FRMD8: variants seen among roughly 807,000 people sequenced by gnomAD.
The protein encoded by FRMD8 is FERM domain-containing protein 8.
A neutral mutation model predicts 54.2 loss-of-function variants in FRMD8; 37 were observed. The observed-to-expected ratio is 0.68, with a 90% CI of 0.53 to 0.90. The LOEUF is 0.90. Among genes scored for constraint, FRMD8 ranks in the 40% least tolerant of loss-of-function variants. FRMD8 has a pLI of 0.00. For missense variants in FRMD8, 585 were observed against 653.7 expected (o/e 0.89, Z 1.15); for synonymous variants, 246 against 286.9 (o/e 0.86, Z 1.44).
intron 9 of FRMD8, among the ~76,000 whole-genome samples, chr11:65,402,417 A>G (rs1369868726): frequency 6.6e-6 from 1 of 151,828 alleles, no homozygotes; most frequent in African/African-American, 2.4e-5. Flanking sequence ...AATTGGCTGT[A>G]CATGTGTGGG....
At chr11:65,381,851 C>T (rs1313518916), upstream of FRMD8, 2 of 1,604,332 alleles carry the variant, frequency 1.2e-6, no homozygotes, top group Non-Finnish European at 1.7e-6. Context: ...CCATGTCACC[C>T]ATCTTCCCGA....
intron 3 of FRMD8, among the ~76,000 whole-genome samples, chr11:65,389,862 C>G (rs1320723993): frequency 6.6e-6 from 1 of 152,206 alleles, no homozygotes; most frequent in Admixed American, 6.5e-5. Context: ...ACCTTTGCCA[C>G]AACCTGGGTG....
At chr11:65,376,479 G>A in the FRMD8 span, 14 of 1,614,200 alleles carry the variant, frequency 8.7e-6, no homozygotes, top group Non-Finnish European at 1.2e-5. Context: ...CGCGGGCACT[G>A]TTGATGGTGA....
At position 65,389,345 on chromosome 11, in the gene FRMD8, C is replaced by G; in HGVS notation, c.86-16C>G. On this transcript the variant is annotated splice_polypyrimidine_tract_variant and intron_variant, in intron 2 of 10. Transcript: ENST00000317568. Reference sequence around the variant, plus strand: ...AGGCAGAGGCCTCAGCTGAGCCTGCCTGGTCTCCATCACAGCGGCTGACGT... The same window carrying G: ...AGGCAGAGGCCTCAGCTGAGCCTGCGTGGTCTCCATCACAGCGGCTGACGT... The G allele has an allele frequency of 6.2e-7, 1 of 1,608,218 alleles. No individual in the cohort carries two copies. Among genetic ancestry groups the G allele is most frequent in the Non-Finnish European group, 8.5e-7 (1 of 1,179,844 alleles).
intron 10 of FRMD8, among the ~76,000 whole-genome samples, chr11:65,410,542 G>A (rs1183103688): frequency 6.6e-6 from 1 of 151,982 alleles, no homozygotes; most frequent in East Asian, 1.9e-4. Flanking sequence ...TGTAATCCCA[G>A]CACTTTGGGA....
the FRMD8 span, among the ~76,000 whole-genome samples, chr11:65,369,383 A>G: frequency 6.6e-6 from 1 of 151,452 alleles, no homozygotes; most frequent in Non-Finnish European, 1.5e-5. Context: ...CCAGGAGTTC[A>G]AAAACAGCCT....
At chr11:65,380,212 C>T in the FRMD8 span, 6 of 1,613,930 alleles carry the variant, frequency 3.7e-6, no homozygotes, top group South Asian at 2.2e-5. Context: ...TGAGGGCCCT[C>T]GTGCCAGGCC....
At chr11:65,380,320 C>G in the FRMD8 span, 1 of 1,224,224 alleles carries the variant, frequency 8.2e-7, no homozygotes, top group Non-Finnish European at 1.2e-6. Flanking sequence ...CTGCCAAGCT[C>G]TAGAGACTCC....
chr11:65,388,919 G>T (rs767267423), intron 2 of FRMD8, among the ~76,000 whole-genome samples: 1 of 152,210 alleles, frequency 6.6e-6, no homozygotes, highest in Non-Finnish European at 1.5e-5. Flanking sequence ...ATAGCCTCAG[G>T]ATGGTTTCAG....
chr11:65,391,730 C>T (rs558055362), intron 3 of FRMD8, among the ~76,000 whole-genome samples: 2 of 152,230 alleles, frequency 1.3e-5, no homozygotes, highest in South Asian at 2.1e-4. Flanking sequence ...AGGCTGGTCT[C>T]GAACTTCTGA....
chr11:65,410,970 C>T (rs901182644), intron 10 of FRMD8, among the ~76,000 whole-genome samples: 4 of 152,234 alleles, frequency 2.6e-5, no homozygotes, highest in African/African-American at 9.6e-5. Context: ...CAGGACCCCA[C>T]ACTGCATTTA....
chr11:65,406,765 ACT>A (rs1177512193), intron 10 of FRMD8, among the ~76,000 whole-genome samples: 1 of 151,438 alleles, frequency 6.6e-6, no homozygotes, highest in Admixed American at 6.6e-5. Flanking sequence ...CATGGAGAAA[ACT>A]CTTCTCTACT....
At chr11:65,379,439 CCG>C in the FRMD8 span, 39 of 1,613,718 alleles carry the variant, frequency 2.4e-5, no homozygotes, top group Non-Finnish European at 7.6e-6. Flanking sequence ...GCTGGGCCCG[CCG>C]CTCCTGGTGG....
upstream of FRMD8, among the ~76,000 whole-genome samples, chr11:65,384,855 G>C (rs373747242): frequency 1.3e-5 from 2 of 152,136 alleles, no homozygotes; most frequent in African/African-American, 4.8e-5. Flanking sequence ...TAGGACCACA[G>C]ATGTGTGCCA....
the FRMD8 span, among the ~76,000 whole-genome samples, chr11:65,368,754 A>G: frequency 6.6e-6 from 1 of 151,532 alleles, no homozygotes; most frequent in Non-Finnish European, 1.5e-5. Flanking sequence ...TAGTAGAGAC[A>G]GGGTTTCACC....
Position 65,387,119 on chromosome 11 carries a change from G to T in FRMD8, c.83G>T (p.Arg28Leu). The T allele has an allele frequency of 1.2e-6, 2 of 1,604,786 alleles. No individual in the cohort carries two copies. Reference protein sequence around the residue: ...HRSSVSSVGARAADVLVYLAD... With the variant: ...HRSSVSSVGALAADVLVYLAD... ...AGCAGCGTGTCCTCCGTGGGAGCCC[G>T]AGGTGGGTCCCACCCGCATCTCCTC... Residue 28 changes from arginine to leucine, a missense_variant and splice_region_variant, in exon 2 of 11, where the codon CGA (arginine) becomes CTA (leucine). By Grantham distance (102) the Arg-to-Leu change is moderately radical. Transcript: ENST00000317568.
At chr11:65,376,769 C>A in the FRMD8 span, 1 of 1,614,084 alleles carries the variant, frequency 6.2e-7, no homozygotes, top group South Asian at 1.1e-5. Context: ...CTGGACCCTG[C>A]CTGCTACCCA....
chr11:65,373,803 G>T, the FRMD8 span, among the ~76,000 whole-genome samples: 2 of 152,120 alleles, frequency 1.3e-5, no homozygotes, highest in South Asian at 4.1e-4. Flanking sequence ...GCCCAGGCTG[G>T]TCTTGAACTC....
intron 7 of FRMD8, among the ~76,000 whole-genome samples, chr11:65,398,956 C>T (rs1401829567): frequency 6.7e-6 from 1 of 149,190 alleles, no homozygotes; most frequent in African/African-American, 2.5e-5. Context: ...CAGGAGAAGG[C>T]AAGGCTGCAG....
Sources: gnomAD v4.1 joint callset for allele counts (sites outside exome capture counted in the v4.1 genomes callset) on GRCh38, gnomAD v4.1.1 for gene constraint, MANE v1.5 for transcripts, NCBI Gene and HGNC (gene_info 2026-07-23, HGNC 2026-07-21) for gene names.